The following MISP variants were observed in gnomAD, a reference collection of about 807,000 sequenced individuals.
The protein encoded by MISP is mitotic spindle positioning.
A neutral mutation model predicts 49.3 loss-of-function variants in MISP; 51 were observed. That is an observed-to-expected ratio of 1.03 (90% confidence interval 0.83 to 1.31). MISP has a LOEUF of 1.31. Among genes scored for constraint, MISP ranks in the 50% most tolerant of loss-of-function variants. MISP has a pLI of 0.00. For missense variants in MISP, 1,084 were observed against 935.1 expected, an observed-to-expected ratio of 1.16 and a Z score of -2.08; for synonymous variants, 444 against 392.6, an observed-to-expected ratio of 1.13 and a Z score of -1.55.
At chr19:761,580 G>T (rs1392309455) in intron 3 of MISP, 45 bp from the exon 4 acceptor site, 2 of 1,611,236 alleles carry the variant, frequency 1.2e-6, no homozygotes, top group African/African-American at 1.3e-5. Flanking sequence ...CTCTGCACCG[G>T]GCAGGGCAGA....
rs2144962573 is a variant in MISP, at chr19:758,340, T to C, written c.1394T>C (p.Met465Thr). The C allele has an allele frequency of 6.2e-7, 1 of 1,614,152 alleles. No homozygotes were observed. The highest frequency in any genetic ancestry group is 8.5e-7 in the Non-Finnish European group (1 of 1,180,028). Residue 465 changes from methionine (M) to threonine (T), a missense_variant, in exon 2 of 5, where the codon ATG (methionine) becomes ACG (threonine). Physicochemically the swap from Met to Thr is moderately conservative, Grantham distance 81. Transcript: ENST00000215582. ...AKAATSPKAT[M>T]SPRHLSESSG... ...GCTGCGACTTCACCAAAGGCCACGA[T>C]GTCCCCGAGGCATCTCTCAGAATCC...
In MISP at chr19:758,520, T is replaced by C. The variant is rs2033617583; in HGVS notation, c.1574T>C (p.Val525Ala). Residue 525 changes from valine to alanine, a missense_variant, in exon 2 of 5, where the codon GTC (valine) becomes GCC (alanine). By Grantham distance (64) the Val-to-Ala change is moderately conservative. Transcript: ENST00000215582. ...CCCCAGCAGGCCCAAGTCCCCCATG[T>C]CTGGGGCTGGGAGGTGGCTGGGGCC... The part of the protein sequence containing the change: ...DEPQQAQVPH[V>A]WGWEVAGAPA... The C allele has an allele frequency of 6.2e-7, 1 of 1,614,108 alleles. No homozygotes were observed. The highest frequency in any genetic ancestry group is 2.2e-5 in the East Asian group (1 of 44,884).
chr19:756,506 A>G (rs552062261), intron 1 of MISP, among the ~76,000 whole-genome samples: 4 of 152,152 alleles, frequency 2.6e-5, no homozygotes, highest in African/African-American at 7.2e-5. Flanking sequence ...TGGGCCATTT[A>G]CTCATCCTTG....
chr19:762,017 G>A (rs1235095948), intron 4 of MISP, among the ~76,000 whole-genome samples: 7 of 151,684 alleles, frequency 4.6e-5, no homozygotes, highest in South Asian at 4.2e-4. Context: ...GTGCGATCTC[G>A]GCTCACTGCA....
chr19:753,116 G>A (rs2033485285), intron 1 of MISP, among the ~76,000 whole-genome samples: 2 of 152,234 alleles, frequency 1.3e-5, no homozygotes, highest in African/African-American at 2.4e-5. Context: ...GGCAGGCGGC[G>A]TCCACGGAGG....
chr19:752,986 C>T (rs1250534757), intron 1 of MISP, among the ~76,000 whole-genome samples: 1 of 152,174 alleles, frequency 6.6e-6, no homozygotes, highest in African/African-American at 2.4e-5. Flanking sequence ...ATTTATTAGG[C>T]GCCTGCTGTA....
At chr19:755,684 C>T (rs1429570494) in intron 1 of MISP, among the ~76,000 whole-genome samples, 1 of 152,130 alleles carries the variant, frequency 6.6e-6, no homozygotes, top group African/African-American at 2.4e-5. Context: ...GTAATTCCAG[C>T]ACTTTGGGAG....
Position 758,045 on chromosome 19 carries a change from C to A in MISP, c.1099C>A (p.Arg367=). 6.4e-7 allele frequency: 1 copy of A among 1,566,502 alleles called. No homozygotes were observed. The highest frequency in any genetic ancestry group is 1.2e-5 in the South Asian group (1 of 84,836). The part of the protein sequence containing the change: ...QETQREEDHR[R]EGLHVGRAST... ...GACACAGCGTGAGGAAGACCACCGG[C>A]GGGAGGGCCTGCACGTGGGCCGGGC... is the stretch of plus-strand genomic sequence containing the variant. Residue 367 remains arginine, a synonymous_variant, in exon 2 of 5, where the codon CGG becomes AGG. Coordinates refer to ENST00000215582, the MANE Select transcript of MISP (RefSeq NM_173481.4).
chr19:756,725 G>C (rs2033555700), intron 1 of MISP, among the ~76,000 whole-genome samples, 165 bp from the exon 2 acceptor site: 1 of 152,114 alleles, frequency 6.6e-6, no homozygotes, highest in Non-Finnish European at 1.5e-5. Context: ...CAATCACAGA[G>C]GTTAGAGAAT....
upstream of MISP, among the ~76,000 whole-genome samples, chr19:749,547 T>C (rs114426208): frequency 0.044 from 6,726 of 152,254 alleles, 437 homozygotes; most frequent in East Asian, 0.34. Context: ...CACCCCCATC[T>C]TGGCCAGGCG....
rs1424102178 is a variant in MISP at position 758,302 on chromosome 19, A to C, written c.1356A>C (p.Thr452=). The part of the protein sequence containing the change: ...GAFGKPSSLS[T]AEAKAATSPK... Reference sequence around the variant, plus strand: ...TCGGCAAGCCCAGCAGTCTCTCCACAGCGGAGGCCAAGGCTGCGACTTCAC... The same window carrying C: ...TCGGCAAGCCCAGCAGTCTCTCCACCGCGGAGGCCAAGGCTGCGACTTCAC... The change falls in exon 2 of 5, where the codon ACA becomes ACC. Residue 452 remains threonine (T), a synonymous_variant. Coordinates refer to ENST00000215582, the MANE Select transcript of MISP (RefSeq NM_173481.4). The C allele has an allele frequency of 6.2e-7, 1 of 1,613,924 alleles. No homozygotes were observed. The highest frequency in any genetic ancestry group is 1.3e-5 in the African/African-American group (1 of 74,930).
intron 4 of MISP, among the ~76,000 whole-genome samples, chr19:763,213 C>G (rs1331419788): frequency 2.0e-5 from 3 of 152,174 alleles, no homozygotes; most frequent in Non-Finnish European, 4.4e-5. Flanking sequence ...GGAGGCAGAG[C>G]TTGCAGTGAG....
rs757307553 is a variant in MISP, at chr19:758,003, C to T, written c.1057C>T (p.Arg353Trp). The T allele has an allele frequency of 4.3e-5, 67 of 1,573,414 alleles. No homozygotes were observed. Among genetic ancestry groups the T allele is most frequent in the Admixed American group, 1.6e-4 (9 of 56,848 alleles). ...AGGGCGCCCGTCCCTCTACGTGCAG[C>T]GGGACATAGTACAGGAGACACAGCG... ...ERGRPSLYVQRDIVQETQREE... is the reference protein window; with the variant it reads ...ERGRPSLYVQWDIVQETQREE... Residue 353 changes from arginine (R) to tryptophan (W), a missense_variant, in exon 2 of 5, where the codon CGG (arginine) becomes TGG (tryptophan). Coordinates refer to ENST00000215582, the MANE Select transcript of MISP (RefSeq NM_173481.4).
chr19:752,374 C>G (rs1046779900), intron 1 of MISP, among the ~76,000 whole-genome samples: 1 of 152,008 alleles, frequency 6.6e-6, no homozygotes, highest in Non-Finnish European at 1.5e-5. Context: ...AAATACAAAA[C>G]TTAGCCGGGC....
intron 1 of MISP, among the ~76,000 whole-genome samples, chr19:753,141 CA>C (rs2033485959): frequency 6.6e-6 from 1 of 152,188 alleles, no homozygotes; most frequent in Admixed American, 6.5e-5. Context: ...GGCCTCGGGT[CA>C]GGGGAGCCAT....
chr19:763,585 G>T lies in MISP; in HGVS notation c.2035G>T (p.Asp679Tyr). The T allele has an allele frequency of 3.1e-6, 5 of 1,613,246 alleles. No homozygotes were observed. The highest frequency in any genetic ancestry group is 4.2e-6 in the Non-Finnish European group (5 of 1,179,550). ...CCGCATCTACGCCAGTGAGGAGGAT[G>T]ACTGAGCCTCGGGATGGGGCGCCCA... ...ESRIYASEEDD is the reference protein window; with the variant it reads ...ESRIYASEEDY Residue 679 changes from aspartate (D) to tyrosine (Y), a missense_variant, in exon 5 of 5, where the codon GAC becomes TAC. Coordinates refer to ENST00000215582, the MANE Select transcript of MISP (RefSeq NM_173481.4).
At chr19:758,764 G>T in intron 2 of MISP, 38 bp downstream of exon 2, 1 of 1,566,968 alleles carries the variant, frequency 6.4e-7, no homozygotes, top group African/African-American at 1.3e-5. Flanking sequence ...CTTGGCTCAG[G>T]GTCTCAGAGG....
chr19:756,555 G>A (rs2033552235), intron 1 of MISP, among the ~76,000 whole-genome samples: 1 of 152,184 alleles, frequency 6.6e-6, no homozygotes, highest in East Asian at 1.9e-4. Flanking sequence ...TGCTCTGATT[G>A]GCCAGGCTGA....
At chr19:758,798 G>C in intron 2 of MISP, 72 bp downstream of exon 2, 1 of 1,375,756 alleles carries the variant, frequency 7.3e-7, no homozygotes, top group Non-Finnish European at 1.0e-6. Context: ...GGGTGGGGAG[G>C]TGGAGTTTGA....
Sources: allele counts gnomAD v4.1 joint callset (sites outside exome capture counted in the v4.1 genomes callset), GRCh38; gene constraint gnomAD v4.1.1; transcripts MANE v1.5; gene names NCBI Gene and HGNC (gene_info 2026-07-23, HGNC 2026-07-21).